Variants in LHX4 observed in about 807,000 individuals in gnomAD.
The protein encoded by LHX4 is LIM homeobox 4, also known as LIM/homeobox protein Lhx4.
Under a neutral mutation model 39.2 loss-of-function variants are expected in LHX4, and 16 were observed. The observed-to-expected ratio is 0.41, with a 90% CI of 0.28 to 0.62. The LOEUF (loss-of-function observed/expected upper bound fraction) is 0.62. LHX4 is among the 20% of genes least tolerant of loss of function. The probability of loss-of-function intolerance (pLI) is 0.33; values close to 1 mark genes in which losing one functional copy is unlikely to be tolerated. For synonymous variants in LHX4, 206 were observed against 198.1 expected (o/e 1.04, Z -0.33); for missense variants, 439 against 511.9 (o/e 0.86, Z 1.37).
At chr1:180,233,945 G>T (rs1407278542) in intron 1 of LHX4, among the ~76,000 whole-genome samples, 2 of 151,580 alleles carry the variant, frequency 1.3e-5, no homozygotes, top group Admixed American at 6.6e-5. Flanking sequence ...TTCCTCTCCT[G>T]GGGCTCCTCC....
intron 2 of LHX4, among the ~76,000 whole-genome samples, chr1:180,249,457 G>T (rs993080960): frequency 6.6e-6 from 1 of 152,252 alleles, no homozygotes; most frequent in African/African-American, 2.4e-5. Context: ...GGAGGTGGGG[G>T]TTAGGGATCA....
Position 180,276,736 on chromosome 1 carries a change from C to G in LHX4, c.*2157C>G, listed in dbSNP as rs1190977984. The G allele has an allele frequency of 6.6e-6, 1 of 151,766 alleles. No homozygotes were observed. The highest frequency in any genetic ancestry group is 1.5e-5 in the Non-Finnish European group (1 of 68,000). The allele number at this position is 151,766 out of a possible 1,614,324, so 9.4% of individuals were successfully genotyped here. On this transcript the variant is annotated 3_prime_UTR_variant, in exon 6 of 6. Coordinates refer to ENST00000263726, the MANE Select transcript of LHX4 (RefSeq NM_033343.4). Reference sequence around the variant, plus strand: ...GATGAAAAGCTGCCCACCCAGATCACTGTTGCAGGTTGACTATTTGGCTTA... The same window carrying G: ...GATGAAAAGCTGCCCACCCAGATCAGTGTTGCAGGTTGACTATTTGGCTTA...
chr1:180,242,633 G>T (rs533940469), intron 1 of LHX4, among the ~76,000 whole-genome samples: 2 of 152,270 alleles, frequency 1.3e-5, no homozygotes, highest in East Asian at 3.9e-4. Context: ...GGAATGCTCT[G>T]GTGGGCGGGC....
chr1:180,249,622 G>A lies in LHX4; in HGVS notation c.248+1166G>A, dbSNP rs969443147. ...TGTATTCGGAAGATGGGGGTTGAGG[G>A]GGAGTAATGGGGAGAAATGTGAGTC... On this transcript the variant is annotated intron_variant, in intron 2 of 5. Transcript: ENST00000263726. Among the ~76,000 whole-genome samples the A allele has an allele frequency of 1.1e-4, 17 of 152,208 alleles. 1 individual carries two copies. Among genetic ancestry groups the A allele is most frequent in the Admixed American group, 1.1e-3 (17 of 15,282 alleles).
intron 1 of LHX4, among the ~76,000 whole-genome samples, chr1:180,241,037 A>C (rs1051610455): frequency 2.0e-5 from 3 of 152,204 alleles, no homozygotes; most frequent in African/African-American, 7.2e-5. Context: ...TCTAGGAAAA[A>C]ATGCTAGAAG....
intron 1 of LHX4, among the ~76,000 whole-genome samples, chr1:180,244,368 T>C (rs1308062340): frequency 6.6e-6 from 1 of 152,162 alleles, no homozygotes; most frequent in Non-Finnish European, 1.5e-5. Context: ...ACTTCTAATT[T>C]GGGCAGCCCA....
intron 2 of LHX4, among the ~76,000 whole-genome samples, chr1:180,264,414 G>C (rs1472646377): frequency 6.7e-5 from 6 of 89,998 alleles, no homozygotes; most frequent in African/African-American, 1.8e-4. Context: ...CACACACACA[G>C]TAGAGGTGGG....
intron 2 of LHX4, among the ~76,000 whole-genome samples, chr1:180,262,719 T>C (rs1181483844): frequency 6.6e-6 from 1 of 151,828 alleles, no homozygotes; most frequent in African/African-American, 2.4e-5. Context: ...GCTGCCATTA[T>C]GGAGAGCCAA....
intron 1 of LHX4, among the ~76,000 whole-genome samples, chr1:180,237,667 C>T (rs994917352): frequency 2.0e-5 from 3 of 152,208 alleles, no homozygotes; most frequent in African/African-American, 7.2e-5. Flanking sequence ...CTCTGTCAGT[C>T]TGGGTCTAGC....
In LHX4 at chr1:180,275,049, C is replaced by T. The variant is rs1205242021; in HGVS notation, c.*470C>T. The T allele has an allele frequency of 6.4e-6, 1 of 155,344 alleles. No individual in the cohort carries two copies. The highest frequency in any genetic ancestry group is 1.4e-5 in the Non-Finnish European group (1 of 70,330). 9.6% of individuals were successfully genotyped at this position (155,344 alleles called of 1,614,324 possible). A position where few individuals can be genotyped will look rare whatever the true frequency, so the allele number is the denominator to read the frequency against. On this transcript the variant is annotated 3_prime_UTR_variant, in exon 6 of 6. Coordinates refer to ENST00000263726, the MANE Select transcript of LHX4 (RefSeq NM_033343.4). The stretch of plus-strand genomic sequence containing the variant: ...GAGTAAAATAAAAGTGATTTCTGGA[C>T]CATCCTTATTGAACCCTATATTTCA...
At chr1:180,235,184 G>A (rs915206468) in intron 1 of LHX4, among the ~76,000 whole-genome samples, 1 of 152,240 alleles carries the variant, frequency 6.6e-6, no homozygotes, top group Non-Finnish European at 1.5e-5. Flanking sequence ...TCCCCGGTGC[G>A]CTGCAATAGA....
rs571097424 is a variant in LHX4 at position 180,274,759 on chromosome 1, G to C, written c.*180G>C. 13 of 686,528 alleles carry C rather than the reference G, an allele frequency of 1.9e-5. No individual in the cohort carries two copies. The African/African-American group carries it at 2.3e-4, about 12-fold the overall frequency. The allele number at this position is 686,528 out of a possible 1,614,324, so 42.5% of individuals were successfully genotyped here. A position where few individuals can be genotyped will look rare whatever the true frequency, so the allele number is the denominator to read the frequency against. On this transcript the variant is annotated 3_prime_UTR_variant, in exon 6 of 6. Coordinates refer to ENST00000263726, the MANE Select transcript of LHX4 (RefSeq NM_033343.4). ...CCACACTAGGGCATTGTTTCCCTGG[G>C]GAAGCAGTGGGAGAGCAGACTCATC...
intron 1 of LHX4, among the ~76,000 whole-genome samples, chr1:180,235,109 T>A (rs1664283480): frequency 6.6e-6 from 1 of 152,230 alleles, no homozygotes; most frequent in African/African-American, 2.4e-5. Context: ...TTGCGCTTAC[T>A]GCGTCCCGCA....
In LHX4 at chr1:180,243,170, G is replaced by A. The variant is rs890561946; in HGVS notation, c.77-5115G>A. On this transcript the variant is annotated intron_variant, in intron 1 of 5. Transcript: ENST00000263726. ...TGCCTGGCTAATTTTTGTTTTTTTA[G>A]TAGAGACGGGATTTCACCATGTTGG... Among the ~76,000 whole-genome samples the A allele has an allele frequency of 2.6e-5, 4 of 151,920 alleles. 1 individual carries two copies. The highest frequency in any genetic ancestry group is 9.7e-5 in the African/African-American group (4 of 41,348).
chr1:180,231,555 C>T (rs2149250759), intron 1 of LHX4, among the ~76,000 whole-genome samples: 1 of 35,554 alleles, frequency 2.8e-5, no homozygotes, highest in Admixed American at 1.9e-4. Context: ...GCCCAGTCGT[C>T]GCGCGCGCGC....
chr1:180,229,053 G>T (rs1371894431), upstream of LHX4, among the ~76,000 whole-genome samples: 1 of 152,244 alleles, frequency 6.6e-6, no homozygotes, highest in Non-Finnish European at 1.5e-5. Context: ...AGGAGACCTC[G>T]TCCCAGCGTT....
intron 2 of LHX4, among the ~76,000 whole-genome samples, chr1:180,264,110 G>A (rs965568673): frequency 3.3e-5 from 5 of 152,090 alleles, no homozygotes; most frequent in Admixed American, 6.6e-5. Context: ...GACTACAGGT[G>A]CACACCACTA....
chr1:180,229,867 G>A (rs879431548), upstream of LHX4, among the ~76,000 whole-genome samples: 5 of 151,000 alleles, frequency 3.3e-5, no homozygotes, highest in African/African-American at 9.7e-5. Context: ...GGGCGCCGCC[G>A]TCTCCGACCA....
intron 2 of LHX4, among the ~76,000 whole-genome samples, chr1:180,254,476 C>T (rs1647762921): frequency 1.3e-5 from 2 of 152,208 alleles, no homozygotes; most frequent in Non-Finnish European, 2.9e-5. Context: ...GGGAGCTGCT[C>T]CCATTTATCT....
Sources: allele counts gnomAD v4.1 joint callset (sites outside exome capture counted in the v4.1 genomes callset), GRCh38; gene constraint gnomAD v4.1.1; transcripts MANE v1.5; gene names NCBI Gene and HGNC (gene_info 2026-07-23, HGNC 2026-07-21).